ESRP1: variants seen among roughly 807,000 people sequenced by gnomAD.
The protein encoded by ESRP1 is RNA-binding motif protein 35A.
In ESRP1, 33 loss-of-function variants were observed where a neutral mutation model predicts 81.7. The ratio of observed to expected loss-of-function variants is 0.40; its 90% confidence interval spans 0.31 to 0.54. The LOEUF (loss-of-function observed/expected upper bound fraction) is 0.54. Among genes scored for constraint, ESRP1 ranks in the 20% least tolerant of loss-of-function variants. The pLI, the probability that ESRP1 is intolerant of heterozygous loss-of-function variation, is 0.41. For synonymous variants in ESRP1, 320 were observed against 303.3 expected (o/e 1.06, Z -0.57); for missense variants, 672 against 833.1 (o/e 0.81, Z 2.38).
Position 94,692,810 on chromosome 8 carries a change from T to A in ESRP1, c.1954T>A (p.Phe652Ile). ...TACTGGAGTTAAGGAAATTCTTAAC[T>A]TCTTCCAAGGTTACCAGGTCAGTAG... ...YNTGVKEILN[F>I]FQGYQYATED... The change falls in exon 14 of 16, where the codon TTC becomes ATC. Residue 652 changes from phenylalanine to isoleucine, a missense_variant. By Grantham distance (21) the Phe-to-Ile change is conservative (BLOSUM62 0). Coordinates refer to ENST00000433389, the MANE Select transcript of ESRP1 (RefSeq NM_017697.4). The A allele has an allele frequency of 6.2e-7, 1 of 1,613,422 alleles. No homozygotes were observed. The highest frequency in any genetic ancestry group is 8.5e-7 in the Non-Finnish European group (1 of 1,179,660).
At chr8:94,653,472 T>C (rs572385196) in intron 4 of ESRP1, among the ~76,000 whole-genome samples, 1 of 152,312 alleles carries the variant, frequency 6.6e-6, no homozygotes, top group South Asian at 2.1e-4. Flanking sequence ...CACTCTGCAA[T>C]GTTGACTGAT....
intron 10 of ESRP1, among the ~76,000 whole-genome samples, chr8:94,670,046 T>C (rs1170875066): frequency 2.0e-5 from 3 of 152,184 alleles, no homozygotes; most frequent in Non-Finnish European, 2.9e-5. Context: ...TATGAAATCA[T>C]GGCCTAGAAT....
Position 94,664,721 on chromosome 8 carries a change from T to C in ESRP1, c.669T>C (p.Asp223=), listed in dbSNP as rs771089227. Residue 223 remains aspartate (D), a synonymous_variant, in exon 7 of 16, where the codon GAT becomes GAC. Coordinates refer to ENST00000433389, the MANE Select transcript of ESRP1 (RefSeq NM_017697.4). ...GCAGCAAGATGGAACTTATTGATGATAACACCGTAGTCAGGGCACGAGGTT... is the reference window on the plus strand; with the variant it reads ...GCAGCAAGATGGAACTTATTGATGACAACACCGTAGTCAGGGCACGAGGTT... ...GTCSKMELID[D]NTVVRARGLP... is the part of the protein sequence containing the mutation. 8 of 1,613,936 alleles carry C rather than the reference T, an allele frequency of 5.0e-6. No individual in the cohort carries two copies. Among genetic ancestry groups the C allele is most frequent in the South Asian group, 1.1e-5 (1 of 91,076 alleles).
At chr8:94,680,902 A>G (rs1030106446) in intron 13 of ESRP1, among the ~76,000 whole-genome samples, 1 of 151,752 alleles carries the variant, frequency 6.6e-6, no homozygotes, top group Non-Finnish European at 1.5e-5. Context: ...TTATTTTTAA[A>G]TTTCTTCCAT....
At chr8:94,702,078 T>G (rs1446557607) in intron 15 of ESRP1, among the ~76,000 whole-genome samples, 1 of 152,198 alleles carries the variant, frequency 6.6e-6, no homozygotes, top group Non-Finnish European at 1.5e-5. Context: ...AGTTAATGAA[T>G]GAAAACAAGT....
Position 94,706,043 on chromosome 8 carries a change from CG to C in ESRP1, c.*157del. On this transcript the variant is annotated 3_prime_UTR_variant, in exon 16 of 16. Coordinates refer to ENST00000433389, the MANE Select transcript of ESRP1 (RefSeq NM_017697.4). ...TTTTCAGCAAACTTGATTGGACAAA[CG>C]GGCCTGTGCCTTATCTTTTGGTGGA... The C allele has an allele frequency of 1.6e-6, 2 of 1,223,150 alleles. No individual in the cohort carries two copies. The highest frequency in any genetic ancestry group is 2.3e-6 in the Non-Finnish European group (2 of 886,140). The allele number at this position is 1,223,150 out of a possible 1,614,324, so 75.8% of individuals were successfully genotyped here.
chr8:94,679,627 GT>G (rs1471798571), intron 13 of ESRP1, among the ~76,000 whole-genome samples: 4 of 152,080 alleles, frequency 2.6e-5, no homozygotes, highest in Non-Finnish European at 4.4e-5. Flanking sequence ...AATAGCTCCT[GT>G]AATGTTGGAT....
intron 4 of ESRP1, among the ~76,000 whole-genome samples, chr8:94,652,504 A>G (rs758645496): frequency 1.3e-5 from 2 of 151,308 alleles, no homozygotes; most frequent in African/African-American, 4.9e-5. Context: ...ATTATCTTAG[A>G]TCCCTTACGG....
intron 4 of ESRP1, among the ~76,000 whole-genome samples, chr8:94,647,637 T>C (rs114067909): frequency 2.1e-3 from 321 of 152,264 alleles, no homozygotes; most frequent in African/African-American, 7.3e-3. Flanking sequence ...TAAACTTAAC[T>C]TCTAAAGACC....
chr8:94,668,701 T>C (rs1819145317), intron 10 of ESRP1, among the ~76,000 whole-genome samples: 2 of 152,204 alleles, frequency 1.3e-5, no homozygotes, highest in South Asian at 4.1e-4. Context: ...TTAAGGTTTT[T>C]AATGTGTTGC....
intron 15 of ESRP1, among the ~76,000 whole-genome samples, chr8:94,699,433 G>A (rs1015190920): frequency 6.6e-6 from 1 of 151,880 alleles, no homozygotes; most frequent in Non-Finnish European, 1.5e-5. Flanking sequence ...TTAAGCCCTA[G>A]AAATTTGAGA....
chr8:94,689,810 G>GTTTTTTTTTTTTTT (rs1563545236), intron 13 of ESRP1, among the ~76,000 whole-genome samples: 5 of 55,320 alleles, frequency 9.0e-5, no homozygotes, highest in African/African-American at 1.3e-4. Flanking sequence ...ATGATGCCTG[G>GTTTTTTTTTTTTTT]CTTTTTTTTT....
chr8:94,705,156 C>CTTTTTTTTTTTTTTTTTT (rs57801249), intron 15 of ESRP1, among the ~76,000 whole-genome samples: 2 of 90,560 alleles, frequency 2.2e-5, no homozygotes, highest in African/African-American at 8.8e-5. Context: ...TGCCTTATTG[C>CTTTTTTTTTTTTTTTTTT]TTTTTTTTTT....
chr8:94,703,313 C>A (rs1809923922), intron 15 of ESRP1, among the ~76,000 whole-genome samples: 1 of 151,924 alleles, frequency 6.6e-6, no homozygotes, highest in Admixed American at 6.6e-5. Context: ...CACCGCTACT[C>A]CCAGCTTATT....
In ESRP1 at chr8:94,668,789, A is replaced by ATGTGTGTGTGTG. The variant is rs71303426; in HGVS notation, c.1233+547_1233+558dup. Among the ~76,000 whole-genome samples the ATGTGTGTGTGTG allele has an allele frequency of 3.0e-3, 427 of 143,856 alleles. 6 individuals carry two copies. The highest frequency in any genetic ancestry group is 4.8e-3 in the Non-Finnish European group (318 of 66,658). The allele number at this position is 143,856 out of a possible 152,430, so 94.4% of individuals were successfully genotyped here. ...CTGTCCTGTTTTACTAGCTTTCAGC[A>ATGTGTGTGTGTG]TGTGTGTGTGTGTGTGTGTTTGAGA... On this transcript the variant is annotated intron_variant, in intron 10 of 15. Coordinates refer to ENST00000433389, the MANE Select transcript of ESRP1 (RefSeq NM_017697.4).
chr8:94,659,637 CA>C (rs1818618438), intron 4 of ESRP1, among the ~76,000 whole-genome samples: 1 of 152,132 alleles, frequency 6.6e-6, no homozygotes, highest in Non-Finnish European at 1.5e-5. Flanking sequence ...TAAGGGAGGC[CA>C]AAAGCCAGGC....
chr8:94,692,677 C>T lies in ESRP1; in HGVS notation c.1821C>T (p.Ser607=), dbSNP rs374416650. The change falls in exon 14 of 16, where the codon AGC becomes AGT. Residue 607 remains serine (S), a splice_region_variant and synonymous_variant. Transcript: ENST00000433389. ...LFMNYTAYYP[S]PPGSPNSLGY... ...TTCACTGTGCTTTCTCTCCCTTTAG[C>T]CCCCCAGGTTCGCCTAATAGTCTTG... 1.9e-6 allele frequency: 3 copies of T among 1,612,494 alleles called. No homozygotes were observed. The highest frequency in any genetic ancestry group is 3.3e-5 in the Admixed American group (2 of 59,878).
intron 4 of ESRP1, among the ~76,000 whole-genome samples, chr8:94,649,841 G>C (rs1444626473): frequency 6.6e-6 from 1 of 152,098 alleles, no homozygotes; most frequent in Non-Finnish European, 1.5e-5. Context: ...CCAGTTTTAG[G>C]TTTAGAGCAA....
chr8:94,691,019 T>G (rs1005555673), intron 13 of ESRP1, among the ~76,000 whole-genome samples: 16 of 152,148 alleles, frequency 1.1e-4, no homozygotes, highest in Non-Finnish European at 2.1e-4. Context: ...ATCTAACTCT[T>G]AGTTTCTGTT....
Sources: allele counts gnomAD v4.1 joint callset (sites outside exome capture counted in the v4.1 genomes callset), GRCh38; gene constraint gnomAD v4.1.1; transcripts MANE v1.5; gene names NCBI Gene and HGNC (gene_info 2026-07-23, HGNC 2026-07-21).